Variants in ABLIM2 observed in about 807,000 individuals in gnomAD.
ABLIM2 encodes the protein actin binding LIM protein family member 2.
Under a neutral mutation model 97.7 loss-of-function variants are expected in ABLIM2, and 53 were observed. The observed-to-expected ratio is 0.54, with a 90% CI of 0.44 to 0.68. The LOEUF is 0.68. Among genes scored for constraint, ABLIM2 ranks in the 30% least tolerant of loss-of-function variants. The pLI, the probability that ABLIM2 is intolerant of heterozygous loss-of-function variation, is 0.00. For missense variants in ABLIM2, 835 were observed against 867.2 expected (o/e 0.96, Z 0.47); for synonymous variants, 361 against 345.8 (o/e 1.04, Z -0.49).
intron 8 of ABLIM2, among the ~76,000 whole-genome samples, chr4:8,053,483 G>C (rs1039684326): frequency 6.6e-6 from 1 of 152,202 alleles, no homozygotes; most frequent in African/African-American, 2.4e-5. Context: ...AATTAACTGA[G>C]ACCTGTCTGG....
chr4:7,984,461 A>T (rs1256837872), intron 18 of ABLIM2, among the ~76,000 whole-genome samples: 1 of 152,226 alleles, frequency 6.6e-6, no homozygotes, highest in African/African-American at 2.4e-5. Flanking sequence ...CGGAGAGTTC[A>T]CGCGGCGTGC....
chr4:8,034,441 T>C (rs568464547), intron 10 of ABLIM2, among the ~76,000 whole-genome samples: 196 of 114,394 alleles, frequency 1.7e-3, no homozygotes, highest in African/African-American at 6.5e-3. Flanking sequence ...TGAGTGCAGG[T>C]GGGAGGGTGT....
chr4:7,982,422 G>A (rs561796003), intron 20 of ABLIM2, among the ~76,000 whole-genome samples: 15 of 152,336 alleles, frequency 9.8e-5, no homozygotes, highest in East Asian at 7.7e-4. Context: ...TGAAACCCCC[G>A]GGCTGGATGC....
intron 6 of ABLIM2, among the ~76,000 whole-genome samples, chr4:8,062,474 C>T (rs558175297): frequency 4.1e-4 from 62 of 149,622 alleles, no homozygotes; most frequent in African/African-American, 1.3e-3. Flanking sequence ...CTCACTCTGT[C>T]GCCCTGGCTG....
chr4:8,156,071 G>A (rs1436553307), intron 1 of ABLIM2, among the ~76,000 whole-genome samples: 1 of 152,152 alleles, frequency 6.6e-6, no homozygotes, highest in African/African-American at 2.4e-5. Flanking sequence ...TGTCCACCTG[G>A]GGGAATCTGA....
In ABLIM2 at chr4:8,112,562, A is replaced by G. The variant is rs1840874353; in HGVS notation, c.11-5925T>C. On this transcript the variant is annotated intron_variant, in intron 1 of 20. Coordinates refer to ENST00000447017, the MANE Select transcript of ABLIM2 (RefSeq NM_001130083.2). This position sits in a 1 kb window ranked among gnomAD's most constrained non-coding sequence, Gnocchi z 4.2. ...CAGGGGTGGCTATCAGAAAGAGGAA[A>G]AACGATGACTCTGAGGTCTACTCGA... Among the ~76,000 whole-genome samples, 2 of 152,150 alleles carry G rather than the reference A, an allele frequency of 1.3e-5. No individual in the cohort carries two copies. Among genetic ancestry groups the G allele is most frequent in the African/African-American group, 2.4e-5 (1 of 41,442 alleles).
rs1223629556 is a variant in ABLIM2, at chr4:8,054,845, C to G, written c.764-599G>C. Reference sequence around the variant, plus strand: ...GGGAGCTGGGCACAAGGCTCAAACACCAGCCCCACCCTGTTACTAATTTAC... The same window carrying G: ...GGGAGCTGGGCACAAGGCTCAAACAGCAGCCCCACCCTGTTACTAATTTAC... On this transcript the variant is annotated intron_variant, in intron 7 of 20. Transcript: ENST00000447017. The surrounding 1 kb of genome is among the most constrained non-coding windows in gnomAD (Gnocchi z 4.9). Among the ~76,000 whole-genome samples, 28 of 152,074 alleles carry G rather than the reference C, an allele frequency of 1.8e-4. No individual in the cohort carries two copies. Among genetic ancestry groups the G allele is most frequent in the Admixed American group, 1.8e-3 (28 of 15,264 alleles).
At chr4:8,039,941 T>C (rs565929245) in intron 9 of ABLIM2, among the ~76,000 whole-genome samples, 4 of 141,352 alleles carry the variant, frequency 2.8e-5, no homozygotes, top group Non-Finnish European at 6.0e-5. Context: ...AGCAGTAAAA[T>C]AGGTGATGTC....
intron 1 of ABLIM2, among the ~76,000 whole-genome samples, chr4:8,134,764 C>A (rs1023733406): frequency 6.6e-6 from 1 of 152,180 alleles, no homozygotes; most frequent in South Asian, 2.1e-4. Flanking sequence ...GGGACTTGTG[C>A]CCTTTTGGTA....
At chr4:8,079,357 C>T (rs772547321) in intron 5 of ABLIM2, among the ~76,000 whole-genome samples, 4 of 152,348 alleles carry the variant, frequency 2.6e-5, no homozygotes, top group Non-Finnish European at 4.4e-5. Flanking sequence ...GTAACATGCA[C>T]GGTGTGGGTG....
chr4:8,035,211 G>A (rs1783844242), intron 10 of ABLIM2, among the ~76,000 whole-genome samples: 1 of 151,980 alleles, frequency 6.6e-6, no homozygotes, highest in South Asian at 2.1e-4. Context: ...GTGATCCACA[G>A]GGGCAGAAGC....
chr4:8,010,368 C>T (rs987308224), intron 14 of ABLIM2: 29 of 985,722 alleles, frequency 2.9e-5, no homozygotes, highest in Middle Eastern at 1.0e-3. Context: ...AACCCGTCTC[C>T]GTCCCCAGCC....
intron 17 of ABLIM2, among the ~76,000 whole-genome samples, chr4:7,989,774 T>A (rs1265540163): frequency 6.6e-6 from 1 of 152,198 alleles, no homozygotes; most frequent in Non-Finnish European, 1.5e-5. Context: ...GGCATCATGC[T>A]TTTTCAGAAT....
intron 12 of ABLIM2, among the ~76,000 whole-genome samples, chr4:8,024,433 C>T (rs535169424): frequency 4.0e-4 from 61 of 152,286 alleles, no homozygotes; most frequent in African/African-American, 1.4e-3. Flanking sequence ...CAGGCCTTGC[C>T]TCGGGCAGCC....
rs1792851049 is a variant in ABLIM2, at chr4:8,046,911, C to G, written c.823-1670G>C. On this transcript the variant is annotated intron_variant, in intron 8 of 20. Transcript: ENST00000447017. This position sits in a 1 kb window ranked among gnomAD's most constrained non-coding sequence, Gnocchi z 4.4. ...CGAGCCAACGAGGGAGAAACCACCCCAGCTAACCCCGTGATCTTGGCCTTT... is the reference window on the plus strand; with the variant it reads ...CGAGCCAACGAGGGAGAAACCACCCGAGCTAACCCCGTGATCTTGGCCTTT... Among the ~76,000 whole-genome samples, 1 of 152,158 alleles carries G rather than the reference C, an allele frequency of 6.6e-6. No homozygotes were observed. Among genetic ancestry groups the G allele is most frequent in the South Asian group, 2.1e-4 (1 of 4,826 alleles).
At position 8,022,054 on chromosome 4, in the gene ABLIM2, A is replaced by T. The variant is rs1774095044; in HGVS notation, c.1268-1751T>A. ...CTGGACTCACGTGCCCGGAAAGGAC[A>T]CCGCGGATCCCTCCTACCGACTACG... is the stretch of plus-strand genomic sequence containing the variant. On this transcript the variant is annotated intron_variant, in intron 12 of 20. Coordinates refer to ENST00000447017, the MANE Select transcript of ABLIM2 (RefSeq NM_001130083.2). The surrounding 1 kb of genome is among the most constrained non-coding windows in gnomAD (Gnocchi z 7.8). Among the ~76,000 whole-genome samples the T allele has an allele frequency of 6.6e-6, 1 of 152,054 alleles. No homozygotes were observed. The highest frequency in any genetic ancestry group is 1.5e-5 in the Non-Finnish European group (1 of 67,996).
chr4:8,011,012 C>T (rs1016598233), intron 14 of ABLIM2, among the ~76,000 whole-genome samples: 1 of 152,156 alleles, frequency 6.6e-6, no homozygotes, highest in African/African-American at 2.4e-5. Flanking sequence ...TCCTGAAAAG[C>T]CAGGAGGTTG....
chr4:8,055,357 C>A (rs2151996402), intron 7 of ABLIM2, among the ~76,000 whole-genome samples: 1 of 151,532 alleles, frequency 6.6e-6, no homozygotes, highest in South Asian at 2.1e-4. Context: ...CACACCCAGC[C>A]TGACCTGCTG....
chr4:8,126,769 A>G (rs1449567691), intron 1 of ABLIM2, among the ~76,000 whole-genome samples: 1 of 152,080 alleles, frequency 6.6e-6, no homozygotes, highest in Non-Finnish European at 1.5e-5. Context: ...TGTGACCATC[A>G]AAAATGTCTC....
Sources: gnomAD v4.1 joint callset for allele counts (sites outside exome capture counted in the v4.1 genomes callset) on GRCh38, gnomAD v4.1.1 for gene constraint, Gnocchi (gnomAD v3.1) non-coding constraint, MANE v1.5 for transcripts, NCBI Gene and HGNC (gene_info 2026-07-23, HGNC 2026-07-21) for gene names.